Variants in GALNT13 observed in about 807,000 individuals in gnomAD.
GALNT13 encodes UDP-GalNAc:polypeptide N-acetylgalactosaminyltransferase 13.
A neutral mutation model predicts 64.2 loss-of-function variants in GALNT13; 28 were observed. The observed-to-expected ratio is 0.44, with a 90% CI of 0.32 to 0.60. GALNT13 has a LOEUF of 0.60. GALNT13 is among the 20% of genes least tolerant of loss of function. The pLI is 0.05. For missense variants in GALNT13, 577 were observed against 669.8 expected (o/e 0.86, Z 1.53); for synonymous variants, 214 against 224.6 (o/e 0.95, Z 0.42).
intron 11 of GALNT13, chr2:154,436,837 A>C (rs1381399288): frequency 6.6e-6 from 1 of 152,182 alleles, no homozygotes; most frequent in Non-Finnish European, 1.5e-5. Flanking sequence ...TGTACTTCAC[A>C]TTTCTCAAAT....
At chr2:154,100,641 G>A (rs573947799) in intron 3 of GALNT13, among the ~76,000 whole-genome samples, 40 of 152,076 alleles carry the variant, frequency 2.6e-4, no homozygotes, top group Non-Finnish European at 4.1e-4. Context: ...AGTTCATGTT[G>A]TAAGTGAAGA....
At chr2:153,720,239 A>C in the GALNT13 span, among the ~76,000 whole-genome samples, 416 of 138,176 alleles carry the variant, frequency 3.0e-3, no homozygotes, top group Middle Eastern at 6.9e-3. Context: ...AACAGACCTG[A>C]AGCTGAGGGT....
intron 12 of GALNT13, chr2:154,446,516 A>G: frequency 6.8e-7 from 1 of 1,471,170 alleles, no homozygotes; most frequent in Non-Finnish European, 9.1e-7. Flanking sequence ...TTGATTTATT[A>G]CTGTCTTTGT....
the GALNT13 span, among the ~76,000 whole-genome samples, chr2:153,779,782 C>T: frequency 2.0e-5 from 3 of 152,156 alleles, no homozygotes; most frequent in African/African-American, 4.8e-5. Flanking sequence ...AATAGCTAAA[C>T]GGGTTCCAAT....
chr2:153,200,016 T>C, the GALNT13 span, among the ~76,000 whole-genome samples: 1 of 152,182 alleles, frequency 6.6e-6, no homozygotes, highest in Admixed American at 6.5e-5. Flanking sequence ...TAAAGTTGCT[T>C]ATATAGACAG....
At chr2:153,223,732 G>C in the GALNT13 span, among the ~76,000 whole-genome samples, 5 of 152,226 alleles carry the variant, frequency 3.3e-5, no homozygotes, top group East Asian at 9.7e-4. Flanking sequence ...GCTGAAGCTG[G>C]GGGATCACTT....
chr2:153,070,953 T>C, the GALNT13 span, among the ~76,000 whole-genome samples: 2 of 152,212 alleles, frequency 1.3e-5, no homozygotes, highest in Non-Finnish European at 2.9e-5. Context: ...ATATGACTTA[T>C]GAGACTGACA....
intron 2 of GALNT13, among the ~76,000 whole-genome samples, chr2:153,905,611 T>A (rs1354879626): frequency 4.6e-5 from 7 of 151,964 alleles, no homozygotes; most frequent in Non-Finnish European, 8.8e-5. Flanking sequence ...TGTGAATGAT[T>A]TTGGTCATAA....
At chr2:153,274,899 T>C in the GALNT13 span, among the ~76,000 whole-genome samples, 1 of 152,206 alleles carries the variant, frequency 6.6e-6, no homozygotes, top group Non-Finnish European at 1.5e-5. Flanking sequence ...TGGCCTACCT[T>C]TCTTTACACA....
chr2:154,446,862 T>G, intron 12 of GALNT13: 1 of 1,220,392 alleles, frequency 8.2e-7, no homozygotes, highest in Non-Finnish European at 1.1e-6. Flanking sequence ...TAAGAAAAAT[T>G]TGTATGACCT....
At chr2:153,570,574 T>C in the GALNT13 span, among the ~76,000 whole-genome samples, 1 of 152,136 alleles carries the variant, frequency 6.6e-6, no homozygotes, top group Non-Finnish European at 1.5e-5. Flanking sequence ...TTTCTTGTAG[T>C]TCTTTCATAG....
chr2:154,249,403 TTA>T (rs1689952765), intron 7 of GALNT13, among the ~76,000 whole-genome samples: 1 of 152,142 alleles, frequency 6.6e-6, no homozygotes, highest in Non-Finnish European at 1.5e-5. Flanking sequence ...ACAGGAATAA[TTA>T]TGTCTACTAC....
the GALNT13 span, among the ~76,000 whole-genome samples, chr2:153,290,209 A>G: frequency 6.6e-6 from 1 of 152,078 alleles, no homozygotes; most frequent in South Asian, 2.1e-4. Flanking sequence ...TATCATTATT[A>G]TTATTTTTTA....
chr2:154,352,349 C>T lies in GALNT13; in HGVS notation c.1157-43642C>T, dbSNP rs567669892. On this transcript the variant is annotated intron_variant, in intron 9 of 12. Coordinates refer to ENST00000392825, the MANE Select transcript of GALNT13 (RefSeq NM_052917.4). ...ATAAGATTATGCCAAGACTGGTTTC[C>T]CCCAAACTTGTCTTTGAGTCTCAGG... Among the ~76,000 whole-genome samples, 215 of 152,270 alleles carry T rather than the reference C, an allele frequency of 1.4e-3. 1 individual carries two copies. The highest frequency in any genetic ancestry group is 2.1e-3 in the Non-Finnish European group (143 of 68,020).
At chr2:153,455,466 A>G in the GALNT13 span, among the ~76,000 whole-genome samples, 2 of 152,184 alleles carry the variant, frequency 1.3e-5, no homozygotes, top group African/African-American at 4.8e-5. Flanking sequence ...GTGCTGGAAG[A>G]GGCTGGCTGC....
intron 3 of GALNT13, among the ~76,000 whole-genome samples, chr2:154,046,734 A>T (rs1334611132): frequency 6.6e-6 from 1 of 152,174 alleles, no homozygotes; most frequent in East Asian, 1.9e-4. Context: ...TGGTGTTCTT[A>T]TAAGAGGAAA....
chr2:153,529,834 G>A, the GALNT13 span, among the ~76,000 whole-genome samples: 1 of 152,040 alleles, frequency 6.6e-6, no homozygotes, highest in Non-Finnish European at 1.5e-5. Context: ...TGCTGAAAAA[G>A]CATTTGAAAA....
At chr2:154,146,167 C>T (rs959207414) in intron 4 of GALNT13, among the ~76,000 whole-genome samples, 1 of 151,034 alleles carries the variant, frequency 6.6e-6, no homozygotes, top group Admixed American at 6.6e-5. Context: ...CACACACACG[C>T]ATACACATAC....
chr2:153,888,850 G>A (rs1253346772), intron 1 of GALNT13, among the ~76,000 whole-genome samples: 1 of 151,894 alleles, frequency 6.6e-6, no homozygotes, highest in African/African-American at 2.4e-5. Flanking sequence ...TATTTATAGA[G>A]TGATAGTCAA....
Sources: allele counts gnomAD v4.1 joint callset (sites outside exome capture counted in the v4.1 genomes callset), GRCh38; gene constraint gnomAD v4.1.1; transcripts MANE v1.5; gene names NCBI Gene and HGNC (gene_info 2026-07-23, HGNC 2026-07-21).